ASXL2: variants seen among roughly 807,000 people sequenced by gnomAD.
ASXL2 encodes the protein putative Polycomb group protein ASXL2.
A neutral mutation model predicts 122.0 loss-of-function variants in ASXL2; 23 were observed. The observed-to-expected ratio is 0.19, with a 90% CI of 0.14 to 0.27. The LOEUF is 0.27. Among genes scored for constraint, ASXL2 ranks in the 10% least tolerant of loss-of-function variants. The probability of loss-of-function intolerance (pLI) is 1.00; values close to 1 mark genes in which losing one functional copy is unlikely to be tolerated. For missense variants in ASXL2, 1,518 were observed against 1,713.8 expected, an observed-to-expected ratio of 0.89 and a Z score of 2.02; for synonymous variants, 650 against 637.0, an observed-to-expected ratio of 1.02 and a Z score of -0.31.
At position 25,736,777 on chromosome 2, in the gene ASXL2, A is replaced by G. The variant is rs1290872211; in HGVS notation, c.*5252T>C. The G allele has an allele frequency of 6.6e-6, 1 of 152,220 alleles. No homozygotes were observed. Among genetic ancestry groups the G allele is most frequent in the African/African-American group, 2.4e-5 (1 of 41,468 alleles). 9.4% of individuals were successfully genotyped at this position (152,220 alleles called of 1,614,324 possible). On this transcript the variant is annotated 3_prime_UTR_variant, in exon 13 of 13. Transcript: ENST00000435504. ...CAATAAAAAGTCAGTTTTATGGGTC[A>G]TCAAGATACACTCTCGAAAATCTGA...
At chr2:25,844,849 C>G (rs2089631786) in intron 2 of ASXL2, among the ~76,000 whole-genome samples, 1 of 152,002 alleles carries the variant, frequency 6.6e-6, no homozygotes, top group Admixed American at 6.6e-5. Flanking sequence ...GTTGGCCAGG[C>G]TGGTCTCAAA....
In ASXL2 at chr2:25,750,168, G is replaced by C. The variant is rs184535083; in HGVS notation, c.1388C>G (p.Pro463Arg). The C allele has an allele frequency of 1.2e-4, 191 of 1,613,954 alleles. No individual in the cohort carries two copies. In the African/African-American group the frequency reaches 2.3e-3, roughly 19 times the overall value. ...VQPNFSTSSE[P>R]LLSSALNTHE... ...TGTATTGAGAGCTGAGGAAAGCAGG[G>C]GCTCTGAAGATGTGGAGAAGTTCGG... is the stretch of plus-strand genomic sequence containing the variant. The change falls in exon 12 of 13, where the codon CCC becomes CGC. Residue 463 changes from proline (P) to arginine (R), a missense_variant. Physicochemically the swap from Pro to Arg is moderately radical, Grantham distance 103. This residue lies in a region of ASXL2 where 292 missense variants were observed against 293.5 expected (regional missense o/e 1.00). Transcript: ENST00000435504.
chr2:25,858,167 A>C (rs1003867646), intron 1 of ASXL2, among the ~76,000 whole-genome samples: 4 of 152,216 alleles, frequency 2.6e-5, no homozygotes, highest in Non-Finnish European at 2.9e-5. Flanking sequence ...AGCGAACCTA[A>C]GACAATTACC....
chr2:25,773,665 C>CA (rs55641820), intron 5 of ASXL2, among the ~76,000 whole-genome samples: 59,352 of 135,522 alleles, frequency 0.44, 13,562 homozygotes, highest in Non-Finnish European at 0.53. Context: ...GACTCCATCT[C>CA]AAAAAAAAAA....
At chr2:25,765,018 A>G (rs1559504376) in intron 8 of ASXL2, among the ~76,000 whole-genome samples, 1 of 152,188 alleles carries the variant, frequency 6.6e-6, no homozygotes. Context: ...TATACTTGAA[A>G]TCTGAGGTAT....
chr2:25,878,049 G>A, intron 1 of ASXL2, 117 bp downstream of exon 1: 1 of 1,284,072 alleles, frequency 7.8e-7, no homozygotes, highest in Non-Finnish European at 1.1e-6. Context: ...CCCTCTCCGC[G>A]CGGTTTTGTG....
At chr2:25,765,700 T>A (rs2088335682) in intron 8 of ASXL2, among the ~76,000 whole-genome samples, 1 of 152,192 alleles carries the variant, frequency 6.6e-6, no homozygotes, top group South Asian at 2.1e-4. Context: ...CCATAATTTC[T>A]CAATTTTGTA....
intron 5 of ASXL2, among the ~76,000 whole-genome samples, chr2:25,784,315 A>C (rs1257368965): frequency 1.3e-5 from 2 of 152,182 alleles, no homozygotes; most frequent in Non-Finnish European, 2.9e-5. Flanking sequence ...AGCCTCCTTC[A>C]GCTTTGGCTG....
At position 25,744,858 on chromosome 2, in the gene ASXL2, C is replaced by A. The variant is rs752642193; in HGVS notation, c.1861-382G>T. Among the ~76,000 whole-genome samples, 1 of 151,840 alleles carries A rather than the reference C, an allele frequency of 6.6e-6. No homozygotes were observed. The highest frequency in any genetic ancestry group is 1.5e-5 in the Non-Finnish European group (1 of 67,980). ...AAGAAGAGAAAAGCAAGCAAGCCAG[C>A]CACCCATACCACTACTGTCTTTTAG... On this transcript the variant is annotated intron_variant, in intron 12 of 12. Coordinates refer to ENST00000435504, the MANE Select transcript of ASXL2 (RefSeq NM_018263.6). The surrounding 1 kb of genome is among the most constrained non-coding windows in gnomAD (Gnocchi z 4.7).
chr2:25,749,376 G>C (rs576065247), intron 12 of ASXL2, among the ~76,000 whole-genome samples: 1 of 152,240 alleles, frequency 6.6e-6, no homozygotes, highest in South Asian at 2.1e-4. Flanking sequence ...TAAGTTTTTG[G>C]AAGTCCATTT....
chr2:25,758,302 A>T (rs1441815991), intron 9 of ASXL2, among the ~76,000 whole-genome samples: 1 of 152,266 alleles, frequency 6.6e-6, no homozygotes, highest in Non-Finnish European at 1.5e-5. Flanking sequence ...ATTCTCTGTT[A>T]TCCTCTTACT....
chr2:25,763,496 A>G (rs1396684986), intron 8 of ASXL2, among the ~76,000 whole-genome samples: 3 of 152,144 alleles, frequency 2.0e-5, no homozygotes, highest in African/African-American at 7.2e-5. Context: ...TGTTAAAAAA[A>G]AAAAAAGCTG....
rs560428648 is a variant in ASXL2 at position 25,733,785 on chromosome 2, G to C, written c.*8244C>G. ...AAACTGTATGCCTTTATTCAACATA[G>C]AATGAGTCAGTAAAATATGGTTTGT... On this transcript the variant is annotated 3_prime_UTR_variant, in exon 13 of 13. Transcript: ENST00000435504. The C allele has an allele frequency of 2.0e-5, 3 of 152,266 alleles. No homozygotes were observed. The East Asian group carries it at 5.8e-4, about 29-fold the overall frequency. The allele number at this position is 152,266 out of a possible 1,614,324, so 9.4% of individuals were successfully genotyped here. A position where few individuals can be genotyped will look rare whatever the true frequency, so the allele number is the denominator to read the frequency against.
chr2:25,754,559 G>A (rs745826573), intron 10 of ASXL2, among the ~76,000 whole-genome samples: 5 of 152,054 alleles, frequency 3.3e-5, no homozygotes, highest in Non-Finnish European at 7.4e-5. Context: ...AGTCTACTGT[G>A]TATCTGAAAA....
intron 11 of ASXL2, among the ~76,000 whole-genome samples, chr2:25,753,241 A>AG (rs5829987): frequency 0.32 from 48,772 of 151,552 alleles, 8,389 homozygotes; most frequent in African/African-American, 0.41. Flanking sequence ...CTGGGGTTAT[A>AG]GTGTGAGCCA....
At chr2:25,804,227 G>A (rs989692300) in intron 4 of ASXL2, among the ~76,000 whole-genome samples, 1 of 152,166 alleles carries the variant, frequency 6.6e-6, no homozygotes, top group African/African-American at 2.4e-5. Flanking sequence ...GCAGCTCAAA[G>A]CTAAAAGGTA....
At chr2:25,762,843 G>A (rs1436072754) in intron 8 of ASXL2, among the ~76,000 whole-genome samples, 1 of 151,968 alleles carries the variant, frequency 6.6e-6, no homozygotes, top group East Asian at 1.9e-4. Context: ...ATTTCAGCTA[G>A]TTATATGCTA....
chr2:25,743,504 T>G lies in ASXL2; in HGVS notation c.2833A>C (p.Ser945Arg), dbSNP rs2087876201. The G allele has an allele frequency of 3.1e-6, 5 of 1,613,966 alleles. No homozygotes were observed. Among genetic ancestry groups the G allele is most frequent in the Middle Eastern group, 1.6e-4 (1 of 6,062 alleles). The change falls in exon 13 of 13, where the codon AGT becomes CGT. Residue 945 changes from serine to arginine, a missense_variant. Ser to Arg is a moderately radical substitution (Grantham distance 110, BLOSUM62 -1). Around this residue, in one of 8 missense-constraint regions of ASXL2, gnomAD observed 831 missense variants for 833.1 expected, o/e 1.00. Coordinates refer to ENST00000435504, the MANE Select transcript of ASXL2 (RefSeq NM_018263.6). ...ACTAAAGGATTATTAGCAGGGATACTAGAGGTTGGTCTTAAAGTGGGTCCA... is the reference window on the plus strand; with the variant it reads ...ACTAAAGGATTATTAGCAGGGATACGAGAGGTTGGTCTTAAAGTGGGTCCA... ...MNGPTLRPTS[S>R]IPANNPLVTQ...
chr2:25,843,301 CAA>C (rs35388163), intron 2 of ASXL2, among the ~76,000 whole-genome samples: 5 of 93,028 alleles, frequency 5.4e-5, no homozygotes, highest in Non-Finnish European at 8.3e-5. Context: ...GACTTCGTCT[CAA>C]AAAAAAAAAA....
Sources: allele counts gnomAD v4.1 joint callset (sites outside exome capture counted in the v4.1 genomes callset), GRCh38; gene constraint gnomAD v4.1.1; regional missense constraint gnomAD v4.1.1; non-coding constraint Gnocchi (gnomAD v3.1); transcripts MANE v1.5; gene names NCBI Gene and HGNC (gene_info 2026-07-23, HGNC 2026-07-21).